Variants in SCRN2 observed in about 807,000 individuals in gnomAD.
SCRN2 encodes the protein secernin-2.
In SCRN2, 30 loss-of-function variants were observed where a neutral mutation model predicts 40.1. The ratio of observed to expected loss-of-function variants is 0.75; its 90% CI spans 0.56 to 1.01. The LOEUF (loss-of-function observed/expected upper bound fraction) is 1.01. SCRN2 is among the 50% of genes least tolerant of loss of function. The pLI is 0.00. For missense variants in SCRN2, 526 were observed against 564.9 expected (o/e 0.93, Z 0.70); for synonymous variants, 240 against 233.5 (o/e 1.03, Z -0.25).
At position 47,838,019 on chromosome 17, in the gene SCRN2, C is replaced by CTGAGA. The variant is rs2033727812; in HGVS notation, c.1120-22_1120-18dup. 1 of 1,603,394 alleles carries CTGAGA rather than the reference C, an allele frequency of 6.2e-7. No individual in the cohort carries two copies. Among genetic ancestry groups the CTGAGA allele is most frequent in the Non-Finnish European group, 8.5e-7 (1 of 1,179,162 alleles). The stretch of plus-strand genomic sequence containing the variant: ...CCCCCGATCCTGCCCCAAGGGAAAG[C>CTGAGA]TGAGATGAGTCTGTCCGGGACAGGC... On this transcript the variant is annotated splice_polypyrimidine_tract_variant and intron_variant, in intron 7 of 7. Transcript: ENST00000290216.
At position 47,837,791 on chromosome 17, in the gene SCRN2, ACCCAGGCCCCAGGGGTCCTGGGTCCAC is replaced by A. The variant is rs2033718899; in HGVS notation, c.*26_*52del. 4 of 1,531,998 alleles carry A rather than the reference ACCCAGGCCCCAGGGGTCCTGGGTCCAC, an allele frequency of 2.6e-6. No homozygotes were observed. Among genetic ancestry groups the A allele is most frequent in the South Asian group, 2.5e-5 (2 of 81,170 alleles). 94.9% of individuals were successfully genotyped at this position (1,531,998 alleles called of 1,614,324 possible). On this transcript the variant is annotated 3_prime_UTR_variant, in exon 8 of 8. Transcript: ENST00000290216. ...GCTCCACTTTACCACCACTCAGGGC[ACCCAGGCCCCAGGGGTCCTGGGTCCAC>A]CCCAGGCCAGCAGAAGCTATGAAGC...
Position 47,838,387 on chromosome 17 carries a change from G to A in SCRN2, c.1002C>T (p.Pro334=). Residue 334 remains proline, a synonymous_variant, in exon 7 of 8, where the codon CCC becomes CCT. Coordinates refer to ENST00000290216, the MANE Select transcript of SCRN2 (RefSeq NM_138355.4). The part of the protein sequence containing the change: ...GVAQAPQVLS[P]TFGAQDPVRT... ...GAACAGGGTCTTGTGCTCCAAAAGT[G>A]GGGGACAGCACCTGGGGGGCCTGGG... The A allele has an allele frequency of 2.5e-6, 4 of 1,609,438 alleles. No individual in the cohort carries two copies. The highest frequency in any genetic ancestry group is 3.4e-6 in the Non-Finnish European group (4 of 1,178,662).
intron 3 of SCRN2, 161 bp from the exon 4 acceptor site, chr17:47,839,804 T>G (rs2143628047): frequency 1.5e-6 from 1 of 685,608 alleles, no homozygotes; most frequent in South Asian, 1.8e-5. Flanking sequence ...ATTATGCCAG[T>G]GGCTTTCAAT....
intron 3 of SCRN2, 33 bp from the exon 4 acceptor site, chr17:47,839,676 T>C (rs1388967069): frequency 5.0e-6 from 8 of 1,608,912 alleles, no homozygotes; most frequent in Non-Finnish European, 6.0e-6. Flanking sequence ...GACAGAAGGG[T>C]GACAGAGGGA....
At position 47,840,338 on chromosome 17, in the gene SCRN2, G is replaced by A. The variant is rs371057387; in HGVS notation, c.209C>T (p.Thr70Met). ...TYIEVEQVSK[T>M]HAVILSRPSW... ...AGGACGGCTCAGAATCACAGCGTGC[G>A]TCTTCGACACCTGTTCCACTTCAAT... The change falls in exon 3 of 8, where the codon ACG (threonine) becomes ATG (methionine). Residue 70 changes from threonine (T) to methionine (M), a missense_variant. Thr to Met is a moderately conservative substitution (Grantham distance 81). Transcript: ENST00000290216. 6.8e-6 allele frequency: 11 copies of A among 1,614,006 alleles called. No individual in the cohort carries two copies. In the African/African-American group the frequency reaches 8.0e-5, roughly 12 times the overall value.
chr17:47,839,383 C>T (rs540377455), intron 4 of SCRN2, 61 bp downstream of exon 4: 4 of 1,557,336 alleles, frequency 2.6e-6, no homozygotes, highest in Admixed American at 1.8e-5. Flanking sequence ...CTGGATCGGG[C>T]CCCTCCCTGC....
chr17:47,840,600 CA>C, intron 2 of SCRN2, 69 bp downstream of exon 2: 3 of 1,481,258 alleles, frequency 2.0e-6, no homozygotes, highest in Non-Finnish European at 2.7e-6. Flanking sequence ...GTGTGGGGAG[CA>C]GGGAAGAAGG....
Position 47,839,021 on chromosome 17 carries a change from G to A in SCRN2, c.557-15C>T, listed in dbSNP as rs753579070. Reference sequence around the variant, plus strand: ...GCGGGCCCCCTCTGTGGAGGAGATCGGGGAGTGGTTCATTTACCATTGAGC... The same window carrying A: ...GCGGGCCCCCTCTGTGGAGGAGATCAGGGAGTGGTTCATTTACCATTGAGC... On this transcript the variant is annotated splice_polypyrimidine_tract_variant and intron_variant, in intron 4 of 7. Transcript: ENST00000290216. 1.1e-5 allele frequency: 17 copies of A among 1,612,056 alleles called. No individual in the cohort carries two copies. The highest frequency in any genetic ancestry group is 9.3e-5 in the African/African-American group (7 of 74,916).
intron 7 of SCRN2, 86 bp downstream of exon 7, chr17:47,838,184 C>T: frequency 6.4e-7 from 1 of 1,553,176 alleles, no homozygotes. Context: ...CTTCCACTCC[C>T]TAGTTCCTTC....
At chr17:47,840,917 A>G (rs750180316) in intron 1 of SCRN2, 74 bp from the exon 2 acceptor site, 2 of 1,335,918 alleles carry the variant, frequency 1.5e-6, no homozygotes, top group Non-Finnish European at 2.0e-6. Flanking sequence ...CCACACGTGT[A>G]AAAGACGCGC....
In SCRN2 at chr17:47,838,646, C is replaced by T. The variant is rs201186794; in HGVS notation, c.823G>A (p.Gly275Ser). The stretch of plus-strand genomic sequence containing the variant: ...AAGCCTCCCGAGTCCATACAGATAC[C>T]ACTCTCCTTGTCTCTGAGGATGCCC... ...MMGILRDKES[G>S]ICMDSGGFRT... Residue 275 changes from glycine to serine, a missense_variant, in exon 6 of 8, where the codon GGT becomes AGT. Coordinates refer to ENST00000290216, the MANE Select transcript of SCRN2 (RefSeq NM_138355.4). 1.9e-6 allele frequency: 3 copies of T among 1,613,982 alleles called. No homozygotes were observed. Among genetic ancestry groups the T allele is most frequent in the Admixed American group, 1.7e-5 (1 of 60,010 alleles).
chr17:47,840,399 C>T (rs759019604), intron 2 of SCRN2, 27 bp from the exon 3 acceptor site: 34 of 1,611,318 alleles, frequency 2.1e-5, no homozygotes, highest in Admixed American at 5.0e-5. Context: ...AGAAAGGAAG[C>T]GTCCACTCAT....
rs766421033 is a variant in SCRN2 at position 47,839,567 on chromosome 17, C to G, written c.433G>C (p.Gly145Arg). 2 of 1,613,972 alleles carry G rather than the reference C, an allele frequency of 1.2e-6. No homozygotes were observed. Among genetic ancestry groups the G allele is most frequent in the Non-Finnish European group, 1.7e-6 (2 of 1,180,056 alleles). Residue 145 changes from glycine to arginine, a missense_variant, in exon 4 of 8, where the codon GGG (glycine) becomes CGG (arginine). Transcript: ENST00000290216. Reference sequence around the variant, plus strand: ...GCAGCATCCTCCAGGCAGTTGCCCCCCTGCCCATAGTGCTCCAGTAACCCT... The same window carrying G: ...GCAGCATCCTCCAGGCAGTTGCCCCGCTGCCCATAGTGCTCCAGTAACCCT... ...ITGLLEHYGQ[G>R]GNCLEDAAPF...
rs1270181397 is a variant in SCRN2 at position 47,840,326 on chromosome 17, A to G, written c.221T>C (p.Ile74Thr). 1.2e-6 allele frequency: 2 copies of G among 1,614,222 alleles called. No homozygotes were observed. Among genetic ancestry groups the G allele is most frequent in the South Asian group, 2.2e-5 (2 of 91,086 alleles). The change falls in exon 3 of 8, where the codon ATT (isoleucine) becomes ACT (threonine). Residue 74 changes from isoleucine to threonine, a missense_variant. By Grantham distance (89) the Ile-to-Thr change is moderately conservative. Coordinates refer to ENST00000290216, the MANE Select transcript of SCRN2 (RefSeq NM_138355.4). ...VEQVSKTHAV[I>T]LSRPSWLWGA... ...CCATAGCCAAGAAGGACGGCTCAGAATCACAGCGTGCGTCTTCGACACCTG... is the reference window on the plus strand; with the variant it reads ...CCATAGCCAAGAAGGACGGCTCAGAGTCACAGCGTGCGTCTTCGACACCTG...
rs756109696 is a variant in SCRN2 at position 47,837,934 on chromosome 17, C to G, written c.1188G>C (p.Gly396=). 1.2e-6 allele frequency: 2 copies of G among 1,606,220 alleles called. No individual in the cohort carries two copies. Among genetic ancestry groups the G allele is most frequent in the Admixed American group, 1.7e-5 (1 of 59,256 alleles). ...GTGGGGCCCACTCGCCGGCCAGCAGCCCCTGTGTGGCCTCGAGGCCTTCCT... is the reference window on the plus strand; with the variant it reads ...GTGGGGCCCACTCGCCGGCCAGCAGGCCCTGTGTGGCCTCGAGGCCTTCCT... ...LEQEGLEATQ[G]LLAGEWAPPL... The change falls in exon 8 of 8, where the codon GGG becomes GGC. Residue 396 remains glycine (G), a synonymous_variant. Transcript: ENST00000290216.
At chr17:47,840,956 G>C in intron 1 of SCRN2, 113 bp from the exon 2 acceptor site, 2 of 1,033,542 alleles carry the variant, frequency 1.9e-6, no homozygotes, top group Non-Finnish European at 2.6e-6. Flanking sequence ...GCTCCTGGAC[G>C]CTCGGCGCAC....
chr17:47,838,300 C>T lies in SCRN2; in HGVS notation c.1089G>A (p.Gln363=). ...CTCTCTCCATCAGCCCCAGGGCTGC[C>T]TGGTGTCCACGGTAGAGGGTATGCC... The part of the protein sequence containing the change: ...DRRHTLYRGH[Q]AALGLMERDQ... The change falls in exon 7 of 8, where the codon CAG becomes CAA. Residue 363 remains glutamine, a synonymous_variant. Transcript: ENST00000290216. 6.2e-7 allele frequency: 1 copy of T among 1,605,502 alleles called. No individual in the cohort carries two copies. Among genetic ancestry groups the T allele is most frequent in the Non-Finnish European group, 8.5e-7 (1 of 1,176,712 alleles).
rs1435406766 is a variant in SCRN2, at chr17:47,838,861, C to T, written c.702G>A (p.Gln234=). ...TGGCAGCCTCCATGCGCACAGGCTG[C>T]TGGGTCAGGGAGAAGATCTGAGCAA... The part of the protein sequence containing the change: ...FDFAQIFSLT[Q]QPVRMEAAKA... The change falls in exon 5 of 8, where the codon CAG becomes CAA. Residue 234 remains glutamine, a synonymous_variant. Coordinates refer to ENST00000290216, the MANE Select transcript of SCRN2 (RefSeq NM_138355.4). The T allele has an allele frequency of 6.2e-7, 1 of 1,613,652 alleles. No homozygotes were observed. The highest frequency in any genetic ancestry group is 8.5e-7 in the Non-Finnish European group (1 of 1,180,040).
chr17:47,838,033 T>G, intron 7 of SCRN2, 31 bp from the exon 8 acceptor site: 1 of 1,593,106 alleles, frequency 6.3e-7, no homozygotes, highest in Non-Finnish European at 8.5e-7. Flanking sequence ...GATGAGTCTG[T>G]CCGGGACAGG....
Sources: allele counts gnomAD v4.1 joint callset, GRCh38; gene constraint gnomAD v4.1.1; transcripts MANE v1.5; gene names NCBI Gene and HGNC (gene_info 2026-07-23, HGNC 2026-07-21).